Variants in WBP4 observed in about 807,000 individuals in gnomAD.
WBP4 encodes WW domain binding protein 4.
A neutral mutation model predicts 55.4 loss-of-function variants in WBP4; 37 were observed. The observed-to-expected ratio is 0.67, with a 90% CI of 0.51 to 0.88. WBP4 has a LOEUF of 0.88. WBP4 is among the 40% of genes least tolerant of loss of function. The pLI, the probability that WBP4 is intolerant of heterozygous loss-of-function variation, is 0.00. For missense variants in WBP4, 398 were observed against 420.8 expected (o/e 0.95, Z 0.47); for synonymous variants, 142 against 140.2 (o/e 1.01, Z -0.09).
chr13:41,082,694 C>G lies in WBP4; in HGVS notation c.921-10C>G. The G allele has an allele frequency of 6.2e-7, 1 of 1,613,244 alleles. No homozygotes were observed. The highest frequency in any genetic ancestry group is 1.1e-5 in the South Asian group (1 of 91,046). On this transcript the variant is annotated splice_polypyrimidine_tract_variant and intron_variant, in intron 9 of 9. Coordinates refer to ENST00000379487, the MANE Select transcript of WBP4 (RefSeq NM_007187.5). ...TGTCAAATAGAGTTTTACTTTAACT[C>G]TATTTCCAGTGAGGAGGTAGATTTG...
At chr13:41,082,169 A>C (rs986920422) in intron 9 of WBP4, among the ~76,000 whole-genome samples, 4 of 152,144 alleles carry the variant, frequency 2.6e-5, no homozygotes, top group African/African-American at 9.7e-5. Flanking sequence ...CTACAATAGG[A>C]AAATGAGATC....
At chr13:41,064,158 T>C (rs1014398939) in intron 2 of WBP4, among the ~76,000 whole-genome samples, 3 of 152,102 alleles carry the variant, frequency 2.0e-5, no homozygotes, top group Non-Finnish European at 4.4e-5. Context: ...AAAGGTAATG[T>C]ACTGTATATA....
chr13:41,078,806 G>A (rs545510676), intron 8 of WBP4, among the ~76,000 whole-genome samples: 2 of 151,346 alleles, frequency 1.3e-5, no homozygotes, highest in South Asian at 4.2e-4. Context: ...CAGCCTGGGC[G>A]ACAAGAGTGA....
chr13:41,072,036 A>G lies in WBP4; in HGVS notation c.486+463A>G, dbSNP rs190480353. Among the ~76,000 whole-genome samples, 73 of 136,538 alleles carry G rather than the reference A, an allele frequency of 5.3e-4. 1 individual carries two copies. The East Asian group carries it at 0.015, about 27-fold the overall frequency. 89.6% of individuals were successfully genotyped at this position (136,538 alleles called of 152,430 possible). The stretch of plus-strand genomic sequence containing the variant: ...ACTCCAGCCTGGATAACAAAGTAAG[A>G]CTCCGTCTCAAAAAAAAAAAAAAAA... On this transcript the variant is annotated intron_variant, in intron 6 of 9. Transcript: ENST00000379487.
rs769820308 is a variant in WBP4 at position 41,076,192 on chromosome 13, A to C, written c.711A>C (p.Glu237Asp). 6.2e-7 allele frequency: 1 copy of C among 1,613,178 alleles called. No homozygotes were observed. The highest frequency in any genetic ancestry group is 1.1e-5 in the South Asian group (1 of 91,004). ...SDSDGEQEAE[E>D]GGVSTETEKP... Reference sequence around the variant, plus strand: ...CTGATGGGGAACAGGAAGCAGAAGAAGGAGGGGTCTCTACAGAGACAGAAA... The same window carrying C: ...CTGATGGGGAACAGGAAGCAGAAGACGGAGGGGTCTCTACAGAGACAGAAA... The change falls in exon 8 of 10, where the codon GAA becomes GAC. Residue 237 changes from glutamate (E) to aspartate (D), a missense_variant. By Grantham distance (45) the Glu-to-Asp change is conservative. Coordinates refer to ENST00000379487, the MANE Select transcript of WBP4 (RefSeq NM_007187.5).
At chr13:41,074,585 T>C (rs947488039) in intron 7 of WBP4, among the ~76,000 whole-genome samples, 2 of 152,236 alleles carry the variant, frequency 1.3e-5, no homozygotes, top group African/African-American at 4.8e-5. Flanking sequence ...TGGGTGTTAC[T>C]GAGCCTATAG....
In WBP4 at chr13:41,068,551, A is replaced by G. The variant is rs2138465957; in HGVS notation, c.263-10A>G. 2 of 1,583,936 alleles carry G rather than the reference A, an allele frequency of 1.3e-6. No individual in the cohort carries two copies. The highest frequency in any genetic ancestry group is 8.6e-7 in the Non-Finnish European group (1 of 1,168,658). On this transcript the variant is annotated splice_polypyrimidine_tract_variant and intron_variant, in intron 4 of 9. Transcript: ENST00000379487. ...ACTATAGCTGCTTTACCCTTCTCTC[A>G]TCTCTTTAGAAATTTTGGAGCCAAG...
intron 6 of WBP4, 50 bp from the exon 7 acceptor site, chr13:41,072,732 G>GA (rs760097792): frequency 6.4e-7 from 1 of 1,554,468 alleles, no homozygotes; most frequent in Non-Finnish European, 8.8e-7. Flanking sequence ...TTATTCAATA[G>GA]AAAATCATGG....
chr13:41,082,747 G>C lies in WBP4; in HGVS notation c.964G>C (p.Val322Leu). 6.2e-7 allele frequency: 1 copy of C among 1,614,076 alleles called. No individual in the cohort carries two copies. The highest frequency in any genetic ancestry group is 1.6e-4 in the Middle Eastern group (1 of 6,062). Reference protein sequence around the residue: ...LELPSTENEYVSTSEADGGGE... With the variant: ...LELPSTENEYLSTSEADGGGE... ...ACTTCCAAGCACTGAAAATGAGTAT[G>C]TATCAACTTCAGAAGCTGATGGTGG... The change falls in exon 10 of 10, where the codon GTA (valine) becomes CTA (leucine). Residue 322 changes from valine (V) to leucine (L), a missense_variant. By Grantham distance (32) the Val-to-Leu change is conservative. Coordinates refer to ENST00000379487, the MANE Select transcript of WBP4 (RefSeq NM_007187.5).
intron 1 of WBP4, chr13:41,062,388 C>A: frequency 1.2e-6 from 1 of 819,748 alleles, no homozygotes; most frequent in Non-Finnish European, 1.5e-6. Context: ...ATGACGATAA[C>A]AAGTGAGGAA....
chr13:41,073,395 A>G (rs1050641856), intron 7 of WBP4, among the ~76,000 whole-genome samples: 3 of 151,798 alleles, frequency 2.0e-5, no homozygotes, highest in Non-Finnish European at 4.4e-5. Context: ...CATGCCTGTA[A>G]TCCAAGCTAC....
intron 5 of WBP4, 73 bp from the exon 6 acceptor site, chr13:41,071,454 T>G: frequency 7.5e-7 from 1 of 1,339,232 alleles, no homozygotes; most frequent in Non-Finnish European, 1.0e-6. Flanking sequence ...GACTGTAAAT[T>G]TTGTCCAAAT....
In WBP4 at chr13:41,080,712, C is replaced by A; in HGVS notation, c.823C>A (p.Gln275Lys). The A allele has an allele frequency of 6.2e-7, 1 of 1,604,638 alleles. No individual in the cohort carries two copies. Among genetic ancestry groups the A allele is most frequent in the African/African-American group, 1.3e-5 (1 of 74,222 alleles). The part of the protein sequence containing the change: ...ETQKEKSIQK[Q>K]NSLGSNEEKS... ...ACAGAAAGAAAAAAGTATTCAGAAA[C>A]AGAATTCATTAGGTTCAAATGAAGA... Residue 275 changes from glutamine (Q) to lysine (K), a missense_variant, in exon 9 of 10, where the codon CAG becomes AAG. Gln to Lys is a moderately conservative substitution (Grantham distance 53). Coordinates refer to ENST00000379487, the MANE Select transcript of WBP4 (RefSeq NM_007187.5).
At position 41,083,940 on chromosome 13, in the gene WBP4, T is replaced by C. The variant is rs184127455; in HGVS notation, c.*1026T>C. The C allele has an allele frequency of 5.9e-4, 90 of 152,330 alleles. No individual in the cohort carries two copies. The highest frequency in any genetic ancestry group is 2.1e-3 in the African/African-American group (88 of 41,578). 9.4% of individuals were successfully genotyped at this position (152,330 alleles called of 1,614,324 possible). A position where few individuals can be genotyped will look rare whatever the true frequency, so the allele number is the denominator to read the frequency against. On this transcript the variant is annotated 3_prime_UTR_variant, in exon 10 of 10. Transcript: ENST00000379487. ...ATAGTATTTAACTTATAATAGTTAA[T>C]ATTTGTCTTTTTAAGATGACTGTAC...
At position 41,078,602 on chromosome 13, in the gene WBP4, C is replaced by T. The variant is rs190853535; in HGVS notation, c.757-2044C>T. On this transcript the variant is annotated intron_variant, in intron 8 of 9. Transcript: ENST00000379487. ...CTGCACTTTGGGAGGCCGAGGTGGG[C>T]GGATCACCTGAGGTCGAGAGTTAAA... Among the ~76,000 whole-genome samples, 6 of 152,202 alleles carry T rather than the reference C, an allele frequency of 3.9e-5. No homozygotes were observed. In the East Asian group the frequency reaches 7.7e-4, roughly 20 times the overall value.
intron 8 of WBP4, among the ~76,000 whole-genome samples, chr13:41,079,958 AT>A (rs951342528): frequency 6.6e-6 from 1 of 152,078 alleles, no homozygotes; most frequent in African/African-American, 2.4e-5. Context: ...CCTAAGTGAA[AT>A]AACTCAAAGT....
At chr13:41,080,527 A>G in intron 8 of WBP4, 119 bp from the exon 9 acceptor site, 1 of 743,878 alleles carries the variant, frequency 1.3e-6, no homozygotes, top group Non-Finnish European at 2.1e-6. Flanking sequence ...TTATGTGCAG[A>G]TTTGAGTTAG....
chr13:41,082,754 C>T lies in WBP4; in HGVS notation c.971C>T (p.Thr324Ile), dbSNP rs139649583. The T allele has an allele frequency of 6.8e-6, 11 of 1,613,938 alleles. No homozygotes were observed. In the African/African-American group the frequency reaches 1.1e-4, roughly 16 times the overall value. Residue 324 changes from threonine to isoleucine, a missense_variant, in exon 10 of 10, where the codon ACT (threonine) becomes ATT (isoleucine). Thr to Ile is a moderately conservative substitution (Grantham distance 89). Transcript: ENST00000379487. ...AGCACTGAAAATGAGTATGTATCAA[C>T]TTCAGAAGCTGATGGTGGCGGAGAA... ...LPSTENEYVSTSEADGGGEPK... is the reference protein window; with the variant it reads ...LPSTENEYVSISEADGGGEPK...
rs756905138 is a variant in WBP4, at chr13:41,080,657, A to G, written c.768A>G (p.Lys256=). The G allele has an allele frequency of 1.3e-5, 20 of 1,578,642 alleles. No individual in the cohort carries two copies. The highest frequency in any genetic ancestry group is 2.8e-5 in the African/African-American group (2 of 72,348). The part of the protein sequence containing the change: ...KPKIKFKEKN[K]NSDGGSDPET... Reference sequence around the variant, plus strand: ...CTTTTACATTTCAGGAAAAAAATAAAAATAGTGATGGAGGAAGTGACCCAG... The same window carrying G: ...CTTTTACATTTCAGGAAAAAAATAAGAATAGTGATGGAGGAAGTGACCCAG... Residue 256 remains lysine (K), a synonymous_variant, in exon 9 of 10, where the codon AAA becomes AAG. Transcript: ENST00000379487.
Sources: allele counts gnomAD v4.1 joint callset (sites outside exome capture counted in the v4.1 genomes callset), GRCh38; gene constraint gnomAD v4.1.1; transcripts MANE v1.5; gene names NCBI Gene and HGNC (gene_info 2026-07-23, HGNC 2026-07-21).